DNAH12: variants seen among roughly 807,000 people sequenced by gnomAD.
DNAH12 encodes dynein axonemal heavy chain 12, also known as axonemal beta dynein heavy chain 12.
A neutral mutation model predicts 371.5 loss-of-function variants in DNAH12; 285 were observed. The observed-to-expected ratio is 0.77, with a 90% confidence interval of 0.70 to 0.85. The LOEUF (loss-of-function observed/expected upper bound fraction) is 0.85. Among genes scored for constraint, DNAH12 ranks in the 40% least tolerant of loss-of-function variants. DNAH12 has a pLI of 0.00. For synonymous variants in DNAH12, 1,200 were observed against 1,213.0 expected, an observed-to-expected ratio of 0.99 and a Z score of 0.22; for missense variants, 3,611 against 3,689.4, an observed-to-expected ratio of 0.98 and a Z score of 0.55.
intron 11 of DNAH12, among the ~76,000 whole-genome samples, chr3:57,497,439 A>T (rs1462607529): frequency 6.6e-6 from 1 of 152,198 alleles, no homozygotes; most frequent in Admixed American, 6.5e-5. Context: ...ACCCACAGAT[A>T]TAGGGTCAAT....
chr3:57,399,755 A>G (rs2153350620), intron 43 of DNAH12, among the ~76,000 whole-genome samples: 1 of 152,250 alleles, frequency 6.6e-6, no homozygotes, highest in Admixed American at 6.5e-5. Flanking sequence ...AGCCTACCCA[A>G]CATGAAGATC....
chr3:57,300,517 AT>A (rs1307243835), intron 70 of DNAH12, among the ~76,000 whole-genome samples: 43 of 152,216 alleles, frequency 2.8e-4, no homozygotes, highest in African/African-American at 1.0e-3. Context: ...TAGGATATGA[AT>A]TGACAGTACA....
At chr3:57,488,435 G>A (rs1283363225) in intron 12 of DNAH12, among the ~76,000 whole-genome samples, 2 of 151,930 alleles carry the variant, frequency 1.3e-5, no homozygotes, top group East Asian at 1.9e-4. Context: ...CTCGTGATTC[G>A]CCCTCCTCGG....
chr3:57,513,104 CT>C (rs2068056599), intron 4 of DNAH12, among the ~76,000 whole-genome samples: 1 of 151,192 alleles, frequency 6.6e-6, no homozygotes, highest in Non-Finnish European at 1.5e-5. Context: ...CACCACTGCA[CT>C]CCAGCCTGGC....
Position 57,445,312 on chromosome 3 carries a change from T to C in DNAH12, c.4287A>G (p.Ile1429Met). The change falls in exon 28 of 74, where the codon ATA (isoleucine) becomes ATG (methionine). Residue 1429 changes from isoleucine to methionine, a missense_variant. Ile to Met is a conservative substitution (Grantham distance 10). Transcript: ENST00000495027. Reference sequence around the variant, plus strand: ...CTGAGCAAAGCCTATAGGTCATTACTATTTTCACAGACAGAGGTCTTGCAT... The same window carrying C: ...CTGAGCAAAGCCTATAGGTCATTACCATTTTCACAGACAGAGGTCTTGCAT... ...FLNARPLSVKIVMTYRLCSEQ... is the reference protein window; with the variant it reads ...FLNARPLSVKMVMTYRLCSEQ... The C allele has an allele frequency of 1.3e-6, 2 of 1,551,658 alleles. No individual in the cohort carries two copies. The highest frequency in any genetic ancestry group is 2.4e-5 in the South Asian group (2 of 84,008).
intron 65 of DNAH12, among the ~76,000 whole-genome samples, chr3:57,319,302 T>C (rs2061753303): frequency 1.3e-5 from 2 of 152,182 alleles, no homozygotes; most frequent in Admixed American, 6.5e-5. Context: ...ATACATAAGA[T>C]CACATCATCT....
chr3:57,430,505 C>T (rs2064923676), intron 32 of DNAH12, among the ~76,000 whole-genome samples: 2 of 152,122 alleles, frequency 1.3e-5, no homozygotes, highest in African/African-American at 4.8e-5. Flanking sequence ...TCCTTGGTCT[C>T]TTAATCTAAA....
chr3:57,415,284 C>A lies in DNAH12; in HGVS notation c.5853+142G>T. On this transcript the variant is annotated intron_variant, in intron 38 of 73. Transcript: ENST00000495027. The stretch of plus-strand genomic sequence containing the variant: ...TCTCTGAAACTTGTATCATTAATTC[C>A]AAAAACTTGTAACTCCCCAAACATT... 4 of 1,164,560 alleles carry A rather than the reference C, an allele frequency of 3.4e-6. No individual in the cohort carries two copies. In the South Asian group the frequency reaches 4.9e-5, roughly 14 times the overall value. 72.1% of individuals were successfully genotyped at this position (1,164,560 alleles called of 1,614,324 possible).
chr3:57,401,867 T>C (rs1441984503), intron 43 of DNAH12, among the ~76,000 whole-genome samples: 3 of 152,154 alleles, frequency 2.0e-5, no homozygotes, highest in Non-Finnish European at 4.4e-5. Flanking sequence ...ATATGAACAA[T>C]TGTATGCCAA....
intron 30 of DNAH12, 53 bp from the exon 31 acceptor site, chr3:57,433,881 A>G: frequency 7.3e-7 from 1 of 1,376,534 alleles, no homozygotes; most frequent in South Asian, 1.9e-5. Flanking sequence ...GAGTTAAATA[A>G]TTTATATCAG....
chr3:57,343,976 T>TA (rs2062474464), intron 60 of DNAH12, among the ~76,000 whole-genome samples: 1 of 152,196 alleles, frequency 6.6e-6, no homozygotes, highest in African/African-American at 2.4e-5. Context: ...TTCTCCTTAT[T>TA]ATCACCCTGT....
intron 60 of DNAH12, 128 bp from the exon 61 acceptor site, chr3:57,335,068 A>T (rs998423214): frequency 1.1e-5 from 11 of 957,610 alleles, no homozygotes; most frequent in Non-Finnish European, 1.6e-5. Context: ...AACAACTAGA[A>T]AACTGGACAA....
intron 17 of DNAH12, among the ~76,000 whole-genome samples, chr3:57,464,957 C>A (rs1208979561): frequency 6.6e-6 from 1 of 152,164 alleles, no homozygotes; most frequent in African/African-American, 2.4e-5. Flanking sequence ...TAAAGAAATT[C>A]TCTTTTCCGT....
At position 57,446,210 on chromosome 3, in the gene DNAH12, C is replaced by A. The variant is rs1158883078; in HGVS notation, c.4000G>T (p.Glu1334Ter). Residue 1334 changes from glutamate to a stop codon, truncating the protein, a stop_gained, in exon 27 of 74, where the codon GAG (glutamate) becomes TAG (stop). Transcript: ENST00000495027. LOFTEE classifies it high-confidence loss of function. ...GCTACCACTGACAACACTTCCAACT[C>A]AATTCGATTGAATTCATCAAAGCAA... ...WACFDEFNRI[E>*]LEVLSVVAQQ... The A allele has an allele frequency of 1.3e-6, 2 of 1,551,812 alleles. No homozygotes were observed. Among genetic ancestry groups the A allele is most frequent in the Non-Finnish European group, 1.7e-6 (2 of 1,147,028 alleles).
the DNAH12 span, among the ~76,000 whole-genome samples, chr3:57,553,845 G>A: frequency 7.0e-6 from 1 of 143,340 alleles, no homozygotes; most frequent in Non-Finnish European, 1.5e-5. Flanking sequence ...TTTTTTTTCC[G>A]AGACAGAGTC....
Position 57,436,183 on chromosome 3 carries a change from T to A in DNAH12, c.4655+768A>T, listed in dbSNP as rs1205559468. Among the ~76,000 whole-genome samples, 3 of 152,084 alleles carry A rather than the reference T, an allele frequency of 2.0e-5. No homozygotes were observed. The East Asian group carries it at 5.8e-4, about 29-fold the overall frequency. On this transcript the variant is annotated intron_variant, in intron 30 of 73. Coordinates refer to ENST00000495027, the MANE Select transcript of DNAH12 (RefSeq NM_001366028.2). ...GTGGCTCTCTAAGTAAATATAAATA[T>A]ATATACACACACACATAACTTACTT... is the stretch of plus-strand genomic sequence containing the variant.
intron 18 of DNAH12, 103 bp from the exon 19 acceptor site, chr3:57,461,792 TATC>T (rs1410276288): frequency 2.3e-5 from 21 of 901,220 alleles, no homozygotes; most frequent in South Asian, 1.4e-4. Context: ...TGTATTACAT[TATC>T]ATTTCCTTAA....
chr3:57,418,001 A>C (rs2064433894), intron 37 of DNAH12, among the ~76,000 whole-genome samples: 1 of 151,756 alleles, frequency 6.6e-6, no homozygotes, highest in African/African-American at 2.4e-5. Context: ...AAATACAAAA[A>C]ATTAGCCTGG....
At chr3:57,339,573 T>A (rs1553655416) in intron 60 of DNAH12, among the ~76,000 whole-genome samples, 1 of 152,008 alleles carries the variant, frequency 6.6e-6, no homozygotes, top group Non-Finnish European at 1.5e-5. Flanking sequence ...TACTTTCAAA[T>A]AGCTAGAAAA....
Sources: gnomAD v4.1 joint callset for allele counts (sites outside exome capture counted in the v4.1 genomes callset) on GRCh38, gnomAD v4.1.1 for gene constraint, MANE v1.5 for transcripts, NCBI Gene and HGNC (gene_info 2026-07-23, HGNC 2026-07-21) for gene names.